Variants in ZNF77 observed in about 807,000 individuals in gnomAD.
ZNF77 encodes the protein ZNFpT1.
A neutral mutation model predicts 13.5 loss-of-function variants in ZNF77; 15 were observed. The observed-to-expected ratio is 1.11, with a 90% CI of 0.74 to 1.71. The LOEUF is 1.71. Among genes scored for constraint, ZNF77 ranks in the 40% most tolerant of loss-of-function variants. ZNF77 has a pLI of 0.00. For synonymous variants in ZNF77, 282 were observed against 250.0 expected, an observed-to-expected ratio of 1.13 and a Z score of -1.21; for missense variants, 717 against 676.4, an observed-to-expected ratio of 1.06 and a Z score of -0.67.
rs372822302 is a variant in ZNF77, at chr19:2,942,230, C to T, written c.3+2608G>A. The stretch of plus-strand genomic sequence containing the variant: ...GGGATTGCAGGCACTTGCCATCACA[C>T]CTGGCTAATTTTGATATTTTTAGTA... On this transcript the variant is annotated intron_variant, in intron 1 of 3. Coordinates refer to ENST00000314531, the MANE Select transcript of ZNF77 (RefSeq NM_021217.3). 2.3e-4 allele frequency among the ~76,000 whole-genome samples: 35 copies of T among 151,982 alleles called. No individual in the cohort carries two copies. The South Asian group carries it at 5.6e-3, about 24-fold the overall frequency.
At chr19:2,941,772 A>C (rs1292309689) in intron 1 of ZNF77, among the ~76,000 whole-genome samples, 1 of 152,212 alleles carries the variant, frequency 6.6e-6, no homozygotes, top group Non-Finnish European at 1.5e-5. Context: ...AGATACTAAC[A>C]GGAGACGGAG....
intron 1 of ZNF77, among the ~76,000 whole-genome samples, chr19:2,942,851 C>T (rs539547101): frequency 2.6e-5 from 4 of 152,276 alleles, no homozygotes; most frequent in African/African-American, 9.6e-5. Context: ...GTGATCATGG[C>T]TCACTGCAAC....
intron 1 of ZNF77, 135 bp downstream of exon 1, chr19:2,944,703 C>T: frequency 7.8e-7 from 1 of 1,289,266 alleles, no homozygotes; most frequent in Non-Finnish European, 1.0e-6. Flanking sequence ...GTGACCACGT[C>T]CCCGGGGCCC....
Position 2,936,717 on chromosome 19 carries a change from A to C in ZNF77, c.131-13T>G. ...TAAATGTAACAATCTGCAACAATCA[A>C]TTACACAATTTCTTAGGAGAAATAT... is the stretch of plus-strand genomic sequence containing the variant. On this transcript the variant is annotated splice_polypyrimidine_tract_variant and intron_variant, in intron 2 of 3. Coordinates refer to ENST00000314531, the MANE Select transcript of ZNF77 (RefSeq NM_021217.3). The C allele has an allele frequency of 6.3e-7, 1 of 1,593,222 alleles. No homozygotes were observed. Among genetic ancestry groups the C allele is most frequent in the South Asian group, 1.2e-5 (1 of 86,522 alleles).
At chr19:2,938,747 G>C (rs1299842999) in intron 2 of ZNF77, among the ~76,000 whole-genome samples, 2 of 152,228 alleles carry the variant, frequency 1.3e-5, no homozygotes, top group South Asian at 2.1e-4. Flanking sequence ...ACGAGGTCAG[G>C]AGATCGAGAC....
intron 3 of ZNF77, 76 bp downstream of exon 3, chr19:2,936,448 C>G: frequency 1.4e-6 from 2 of 1,470,510 alleles, no homozygotes; most frequent in Non-Finnish European, 1.8e-6. Context: ...TGTGCCCAGC[C>G]GATACTTTTC....
In ZNF77 at chr19:2,934,016, T is replaced by TGA; in HGVS notation, c.1110_1111insTC (p.Met371SerfsTer2). ...GGCTTCTCTCCGGTGTGCATTCTCA[T>TGA]GTGTGCTCGCAGAGAGGAGGGGTAC... On this transcript the variant is annotated frameshift_variant, in exon 4 of 4. Coordinates refer to ENST00000314531, the MANE Select transcript of ZNF77 (RefSeq NM_021217.3). LOFTEE classifies it low-confidence loss of function (END_TRUNC). 1 of 1,614,062 alleles carries TGA rather than the reference T, an allele frequency of 6.2e-7. No individual in the cohort carries two copies. The highest frequency in any genetic ancestry group is 8.5e-7 in the Non-Finnish European group (1 of 1,180,006).
chr19:2,933,841 G>A lies in ZNF77; in HGVS notation c.1286C>T (p.Thr429Met), dbSNP rs374051858. The A allele has an allele frequency of 3.2e-5, 52 of 1,613,582 alleles. No individual in the cohort carries two copies. Among genetic ancestry groups the A allele is most frequent in the Admixed American group, 8.3e-5 (5 of 59,954 alleles). Residue 429 changes from threonine to methionine, a missense_variant, in exon 4 of 4, where the codon ACG becomes ATG. Physicochemically the swap from Thr to Met is moderately conservative, Grantham distance 81 (BLOSUM62 -1). Coordinates refer to ENST00000314531, the MANE Select transcript of ZNF77 (RefSeq NM_021217.3). The stretch of plus-strand genomic sequence containing the variant: ...CTCAAAGGGCTTCTCTCCAGTATGC[G>A]TCCTCACGTGGATTCGAAGGGAGGA... ...FSSSLRIHVR[T>M]HTGEKPFECK... is the part of the protein sequence containing the mutation.
At chr19:2,935,621 G>A (rs1253551496) in intron 3 of ZNF77, among the ~76,000 whole-genome samples, 1 of 151,916 alleles carries the variant, frequency 6.6e-6, no homozygotes, top group African/African-American at 2.4e-5. Flanking sequence ...GTGAGCCACT[G>A]CGCCCAGCCC....
chr19:2,940,322 G>A (rs537481653), intron 1 of ZNF77, among the ~76,000 whole-genome samples: 6 of 151,632 alleles, frequency 4.0e-5, no homozygotes, highest in East Asian at 1.9e-4. Flanking sequence ...TCAGGAGTTC[G>A]AGATCACCCT....
In ZNF77 at chr19:2,944,897, C is replaced by T. The variant is rs764532964; in HGVS notation, c.-57G>A. The stretch of plus-strand genomic sequence containing the variant: ...GCGCCCCGCGGTCCAGCGACCGGCG[C>T]AGGTGAGCACGACAGGACACCTGAG... On this transcript the variant is annotated 5_prime_UTR_variant, in exon 1 of 4. Coordinates refer to ENST00000314531, the MANE Select transcript of ZNF77 (RefSeq NM_021217.3). 4.0e-6 allele frequency: 6 copies of T among 1,514,252 alleles called. No individual in the cohort carries two copies. Among genetic ancestry groups the T allele is most frequent in the Middle Eastern group, 1.9e-4 (1 of 5,246 alleles). The allele number at this position is 1,514,252 out of a possible 1,614,324, so 93.8% of individuals were successfully genotyped here.
At chr19:2,934,912 A>G (rs1323428120) in intron 3 of ZNF77, 97 bp from the exon 4 acceptor site, 1 of 1,433,256 alleles carries the variant, frequency 7.0e-7, no homozygotes. Context: ...ATTATTTGCC[A>G]ATTTCACTGA....
intron 2 of ZNF77, among the ~76,000 whole-genome samples, chr19:2,937,830 C>A (rs1253967051): frequency 6.6e-5 from 10 of 152,220 alleles, no homozygotes; most frequent in Non-Finnish European, 1.3e-4. Context: ...TTTGTTGGCT[C>A]ACTGCAACCT....
chr19:2,938,813 A>C (rs373984203), intron 2 of ZNF77, among the ~76,000 whole-genome samples: 1 of 152,036 alleles, frequency 6.6e-6, no homozygotes, highest in Non-Finnish European at 1.5e-5. Flanking sequence ...AAAATTAGCC[A>C]GGCGTGGTGG....
intron 1 of ZNF77, among the ~76,000 whole-genome samples, chr19:2,941,206 G>A (rs1485624059): frequency 6.7e-6 from 1 of 148,938 alleles, no homozygotes; most frequent in Non-Finnish European, 1.5e-5. Context: ...GGCTGGGTGA[G>A]GTGGCTCACA....
At position 2,936,710 on chromosome 19, in the gene ZNF77, ACAAT is replaced by A. The variant is rs1482108866; in HGVS notation, c.131-10_131-7del. Reference sequence around the variant, plus strand: ...TCTAACATAAATGTAACAATCTGCAACAATCAATTACACAATTTCTTAGGAGAAA... The same window carrying A: ...TCTAACATAAATGTAACAATCTGCAACAATTACACAATTTCTTAGGAGAAA... On this transcript the variant is annotated splice_polypyrimidine_tract_variant and splice_region_variant and intron_variant, in intron 2 of 3. Coordinates refer to ENST00000314531, the MANE Select transcript of ZNF77 (RefSeq NM_021217.3). 1.1e-5 allele frequency: 17 copies of A among 1,596,418 alleles called. No homozygotes were observed. Among genetic ancestry groups the A allele is most frequent in the Non-Finnish European group, 1.4e-5 (17 of 1,175,380 alleles).
In ZNF77 at chr19:2,936,672, T is replaced by C. The variant is rs200139424; in HGVS notation, c.163A>G (p.Ser55Gly). 5.2e-5 allele frequency: 84 copies of C among 1,609,164 alleles called. No homozygotes were observed. Among genetic ancestry groups the C allele is most frequent in the Middle Eastern group, 1.7e-4 (1 of 6,056 alleles). Residue 55 changes from serine to glycine, a missense_variant, in exon 3 of 4, where the codon AGT becomes GGT. Coordinates refer to ENST00000314531, the MANE Select transcript of ZNF77 (RefSeq NM_021217.3). ...TTCCCAAAAACGTCCCTCTGAGAACTTGATCCACTGGTTCTAACATAAATG... is the reference window on the plus strand; with the variant it reads ...TTCCCAAAAACGTCCCTCTGAGAACCTGATCCACTGGTTCTAACATAAATG... ...CYIYVRTSGS[S>G]SQRDVFGNGI...
At position 2,934,454 on chromosome 19, in the gene ZNF77, A is replaced by G. The variant is rs2144958511; in HGVS notation, c.673T>C (p.Ser225Pro). The G allele has an allele frequency of 1.2e-6, 2 of 1,614,204 alleles. No individual in the cohort carries two copies. Among genetic ancestry groups the G allele is most frequent in the Non-Finnish European group, 1.7e-6 (2 of 1,180,022 alleles). The change falls in exon 4 of 4, where the codon TCA becomes CCA. Residue 225 changes from serine to proline, a missense_variant. Physicochemically the swap from Ser to Pro is moderately conservative, Grantham distance 74. Coordinates refer to ENST00000314531, the MANE Select transcript of ZNF77 (RefSeq NM_021217.3). ...QKCGKAFICP[S>P]SFRGHVNSHH... ...CTATTCACATGTCCCCTGAAAGATG[A>G]GGGACAAATGAAAGCTTTTCCACAT...
rs1393361004 is a variant in ZNF77 at position 2,936,692 on chromosome 19, T to A, written c.143A>T (p.Tyr48Phe). 6.2e-7 allele frequency: 1 copy of A among 1,605,960 alleles called. No individual in the cohort carries two copies. Among genetic ancestry groups the A allele is most frequent in the South Asian group, 1.1e-5 (1 of 88,872 alleles). ...RNLASLDCYI[Y>F]VRTSGSSSQR... ...AGAACTTGATCCACTGGTTCTAACA[T>A]AAATGTAACAATCTGCAACAATCAA... Residue 48 changes from tyrosine to phenylalanine, a missense_variant, in exon 3 of 4, where the codon TAT (tyrosine) becomes TTT (phenylalanine). Physicochemically the swap from Tyr to Phe is conservative, Grantham distance 22. Transcript: ENST00000314531.
Sources: gnomAD v4.1 joint callset for allele counts (sites outside exome capture counted in the v4.1 genomes callset) on GRCh38, gnomAD v4.1.1 for gene constraint, MANE v1.5 for transcripts, NCBI Gene and HGNC (gene_info 2026-07-23, HGNC 2026-07-21) for gene names.